Variants in NBPF15 observed in about 807,000 individuals in gnomAD.
NBPF15 encodes NBPF member 15.
NBPF15 carries 74 observed loss-of-function variants against 62.2 expected under a neutral mutation model. The ratio of observed to expected loss-of-function variants is 1.19; its 90% CI spans 0.99 to 1.44. The LOEUF is 1.44. Among genes scored for constraint, NBPF15 ranks in the 40% most tolerant of loss-of-function variants. The pLI, the probability that NBPF15 is intolerant of heterozygous loss-of-function variation, is 0.00. For synonymous variants in NBPF15, 244 were observed against 209.7 expected (o/e 1.16, Z -1.41); for missense variants, 790 against 550.0 (o/e 1.44, Z -4.36).
At chr1:144,424,058 G>A (rs1479183661) in intron 20 of NBPF15, 83 bp from the exon 21 acceptor site, 4 of 757,942 alleles carry the variant, frequency 5.3e-6, no homozygotes, top group African/African-American at 5.1e-5. Flanking sequence ...CCTCACACAG[G>A]GACCTCAGGC....
rs1368869048 is a variant in NBPF15, at chr1:144,421,848, A to T, written c.*1165T>A. ...AACCAGTCCTGATATCATAATGGTG[A>T]TGGACAAACTAGACCTTCTCTGCCC... On this transcript the variant is annotated 3_prime_UTR_variant, in exon 22 of 22. Transcript: ENST00000581897. 8 of 140,720 alleles carry T rather than the reference A, an allele frequency of 5.7e-5. No individual in the cohort carries two copies. Among genetic ancestry groups the T allele is most frequent in the South Asian group, 2.5e-4 (1 of 4,014 alleles). 8.7% of individuals were successfully genotyped at this position (140,720 alleles called of 1,614,324 possible). A position where few individuals can be genotyped will look rare whatever the true frequency, so the allele number is the denominator to read the frequency against.
rs1670231460 is a variant in NBPF15 at position 144,427,012 on chromosome 1, C to T, written c.1265+35G>A. 12 of 761,820 alleles carry T rather than the reference C, an allele frequency of 1.6e-5. No individual in the cohort carries two copies. In the East Asian group the frequency reaches 2.9e-4, roughly 19 times the overall value. 47.2% of individuals were successfully genotyped at this position (761,820 alleles called of 1,614,324 possible). A position where few individuals can be genotyped will look rare whatever the true frequency, so the allele number is the denominator to read the frequency against. The stretch of plus-strand genomic sequence containing the variant: ...TGGACCTGGCATCTCCAGGTGTCAA[C>T]ACACAATTAAGCATCCATAATTGCT... On this transcript the variant is annotated intron_variant, in intron 17 of 21. Coordinates refer to ENST00000581897, the MANE Select transcript of NBPF15 (RefSeq NM_001385408.1).
intron 6 of NBPF15, among the ~76,000 whole-genome samples, chr1:144,443,401 C>A (rs1237205457): frequency 6.6e-6 from 1 of 151,754 alleles, no homozygotes; most frequent in African/African-American, 2.4e-5. Flanking sequence ...AGTCCTCCAA[C>A]TTATTGCTTC....
In NBPF15 at chr1:144,423,981, A is replaced by G; in HGVS notation, c.1664-6T>C. 2 of 765,194 alleles carry G rather than the reference A, an allele frequency of 2.6e-6. No homozygotes were observed. Among genetic ancestry groups the G allele is most frequent in the South Asian group, 1.3e-5 (1 of 74,474 alleles). The allele number at this position is 765,194 out of a possible 1,614,324, so 47.4% of individuals were successfully genotyped here. A position where few individuals can be genotyped will look rare whatever the true frequency, so the allele number is the denominator to read the frequency against. On this transcript the variant is annotated splice_polypyrimidine_tract_variant and splice_region_variant and intron_variant, in intron 20 of 21. Coordinates refer to ENST00000581897, the MANE Select transcript of NBPF15 (RefSeq NM_001385408.1). The stretch of plus-strand genomic sequence containing the variant: ...CTTCCCCTTCTTTTCAATTTCTGCA[A>G]TAAATTCAGACATGGACAGACACAT...
intron 6 of NBPF15, among the ~76,000 whole-genome samples, chr1:144,440,803 C>T (rs1165903872): frequency 1.3e-5 from 2 of 150,780 alleles, no homozygotes; most frequent in Non-Finnish European, 3.0e-5. Context: ...CAGGCGCCCG[C>T]CACCACGCCC....
rs1553547083 is a variant in NBPF15 at position 144,456,658 on chromosome 1, G to A, written c.-553C>T. ...CCACTGGAAGCCCTGGACAGTGGGA[G>A]TTGGTGGCAGCCCCAGCGTGGAGGC... On this transcript the variant is annotated 5_prime_UTR_variant, in exon 4 of 22. Coordinates refer to ENST00000581897, the MANE Select transcript of NBPF15 (RefSeq NM_001385408.1). 3 of 1,465,746 alleles carry A rather than the reference G, an allele frequency of 2.0e-6. No homozygotes were observed. In the South Asian group the frequency reaches 4.3e-5, roughly 21 times the overall value. 90.8% of individuals were successfully genotyped at this position (1,465,746 alleles called of 1,614,324 possible).
chr1:144,439,629 CT>C (rs1292413775), intron 8 of NBPF15, among the ~76,000 whole-genome samples, 199 bp downstream of exon 8: 1 of 151,984 alleles, frequency 6.6e-6, no homozygotes, highest in Non-Finnish European at 1.5e-5. Context: ...CCACCCCCAC[CT>C]GATTGCAAAC....
intron 13 of NBPF15, among the ~76,000 whole-genome samples, chr1:144,433,356 T>A (rs1270498615): frequency 1.3e-5 from 2 of 151,882 alleles, no homozygotes; most frequent in African/African-American, 4.8e-5. Context: ...GCAGAAAAGA[T>A]CTAAAATTGA....
chr1:144,446,064 A>T (rs587764263), intron 6 of NBPF15, among the ~76,000 whole-genome samples: 1 of 150,742 alleles, frequency 6.6e-6, no homozygotes, highest in Non-Finnish European at 1.5e-5. Flanking sequence ...ACTGTTAGGC[A>T]TGATGGTCTC....
chr1:144,423,803 G>A (rs1667513567), intron 21 of NBPF15, 67 bp downstream of exon 21: 2 of 740,504 alleles, frequency 2.7e-6, no homozygotes, highest in Non-Finnish European at 4.9e-6. Flanking sequence ...ACACACTCTG[G>A]TTTCCCTGAA....
In NBPF15 at chr1:144,423,970, C is replaced by T. The variant is rs1353894318; in HGVS notation, c.1669G>A (p.Glu557Lys). The T allele has an allele frequency of 7.8e-6, 6 of 766,154 alleles. No homozygotes were observed. Among genetic ancestry groups the T allele is most frequent in the East Asian group, 2.4e-5 (1 of 41,200 alleles). The allele number at this position is 766,154 out of a possible 1,614,324, so 47.5% of individuals were successfully genotyped here. A position where few individuals can be genotyped will look rare whatever the true frequency, so the allele number is the denominator to read the frequency against. ...CTTTTCTTCCCCTTCCCCTTCTTTT[C>T]AATTTCTGCAATAAATTCAGACATG... ...VGFSLDVGEI[E>K]KKGKGKKRRG... Residue 557 changes from glutamate to lysine, a missense_variant, in exon 21 of 22, where the codon GAA (glutamate) becomes AAA (lysine). Physicochemically the swap from Glu to Lys is moderately conservative, Grantham distance 56. Transcript: ENST00000581897.
chr1:144,427,581 G>A (rs1380797132), intron 16 of NBPF15, among the ~76,000 whole-genome samples: 1 of 147,138 alleles, frequency 6.8e-6, no homozygotes, highest in East Asian at 1.9e-4. Flanking sequence ...AACGTCATGA[G>A]AGTAGGATTA....
At chr1:144,453,662 A>AAAAAAAG (rs1165682772) in intron 4 of NBPF15, among the ~76,000 whole-genome samples, 21 of 86,772 alleles carry the variant, frequency 2.4e-4, no homozygotes, top group African/African-American at 3.9e-4. Context: ...AAAAAAAAAA[A>AAAAAAAG]GTGAAACATC....
At chr1:144,451,547 T>A (rs1397585341) in intron 4 of NBPF15, among the ~76,000 whole-genome samples, 3 of 151,990 alleles carry the variant, frequency 2.0e-5, no homozygotes, top group African/African-American at 7.2e-5. Flanking sequence ...CTGGCTTTCC[T>A]AGGCAGAGGT....
intron 6 of NBPF15, among the ~76,000 whole-genome samples, chr1:144,445,404 C>CAT (rs1553543813): frequency 2.3e-5 from 3 of 129,930 alleles, no homozygotes; most frequent in East Asian, 2.3e-4. Context: ...TGTGTGTATA[C>CAT]ATATATATAT....
chr1:144,424,770 T>A lies in NBPF15; in HGVS notation c.1583A>T (p.Gln528Leu). Residue 528 changes from glutamine (Q) to leucine (L), a missense_variant, in exon 20 of 22, where the codon CAG becomes CTG. Coordinates refer to ENST00000581897, the MANE Select transcript of NBPF15 (RefSeq NM_001385408.1). Reference protein sequence around the residue: ...CYSTPSSCLEQPDSCQPYGSS... With the variant: ...CYSTPSSCLELPDSCQPYGSS... ...TCCATAGGGCTGGCAGGAGTCAGGCTGTTCAAGACAACTGGAAGGAGTTGA... is the reference window on the plus strand; with the variant it reads ...TCCATAGGGCTGGCAGGAGTCAGGCAGTTCAAGACAACTGGAAGGAGTTGA... 1 of 595,644 alleles carries A rather than the reference T, an allele frequency of 1.7e-6. No individual in the cohort carries two copies. Among genetic ancestry groups the A allele is most frequent in the South Asian group, 2.0e-5 (1 of 49,522 alleles). The allele number at this position is 595,644 out of a possible 1,614,324, so 36.9% of individuals were successfully genotyped here.
chr1:144,444,457 A>G (rs1228216514), intron 6 of NBPF15, among the ~76,000 whole-genome samples: 3 of 151,716 alleles, frequency 2.0e-5, no homozygotes, highest in African/African-American at 4.8e-5. Context: ...GGCCTCCACA[A>G]ACAAGTTTAT....
chr1:144,457,720 A>G (rs1302629476), intron 3 of NBPF15, among the ~76,000 whole-genome samples: 1 of 152,096 alleles, frequency 6.6e-6, no homozygotes, highest in Non-Finnish European at 1.5e-5. Flanking sequence ...AATAACAACA[A>G]TGAATACTAT....
chr1:144,444,762 T>C (rs1686043126), intron 6 of NBPF15, among the ~76,000 whole-genome samples: 1 of 151,820 alleles, frequency 6.6e-6, no homozygotes, highest in Non-Finnish European at 1.5e-5. Context: ...GTTGCAGAAG[T>C]CAAAACTCTC....
Sources: allele counts gnomAD v4.1 joint callset (sites outside exome capture counted in the v4.1 genomes callset), GRCh38; gene constraint gnomAD v4.1.1; transcripts MANE v1.5; gene names NCBI Gene and HGNC (gene_info 2026-07-23, HGNC 2026-07-21).